Variants in MYO5A observed in about 807,000 individuals in gnomAD.
MYO5A encodes the protein unconventional myosin-Va.
A neutral mutation model predicts 249.7 loss-of-function variants in MYO5A; 98 were observed. That is an observed-to-expected ratio of 0.39 (90% confidence interval 0.33 to 0.46). MYO5A has a LOEUF of 0.46. MYO5A is among the 20% of genes least tolerant of loss of function. The pLI is 0.98. For missense variants in MYO5A, 1,696 were observed against 2,308.8 expected (o/e 0.73, Z 5.44); for synonymous variants, 778 against 810.6 (o/e 0.96, Z 0.68).
intron 24 of MYO5A, among the ~76,000 whole-genome samples, chr15:52,360,523 T>C (rs1319786350): frequency 6.6e-6 from 1 of 152,182 alleles, no homozygotes; most frequent in Non-Finnish European, 1.5e-5. Flanking sequence ...TAACTAGGCA[T>C]AAATGGTTTA....
intron 1 of MYO5A, among the ~76,000 whole-genome samples, chr15:52,502,314 A>AC (rs199754360): frequency 1.3e-5 from 2 of 152,100 alleles, no homozygotes; most frequent in Non-Finnish European, 2.9e-5. Flanking sequence ...ATACATACAT[A>AC]AATTTTTGAA....
chr15:52,497,206 C>A (rs1215265150), intron 1 of MYO5A, among the ~76,000 whole-genome samples: 1 of 152,100 alleles, frequency 6.6e-6, no homozygotes, highest in Non-Finnish European at 1.5e-5. Flanking sequence ...AAGGGATCCA[C>A]CCACATCAGC....
In MYO5A at chr15:52,317,100, T is replaced by A; in HGVS notation, c.5357A>T (p.Asp1786Val). Residue 1786 changes from aspartate (D) to valine (V), a missense_variant, in exon 40 of 42, where the codon GAT (aspartate) becomes GTT (valine). This residue lies in a region of MYO5A where 625 missense variants were observed against 908.1 expected (regional missense o/e 0.69). Transcript: ENST00000399233. ...AQLLQVKKKTDDDAEAICSMC... is the reference protein window; with the variant it reads ...AQLLQVKKKTVDDAEAICSMC... The stretch of plus-strand genomic sequence containing the variant: ...AGAACAAATGGCTTCTGCATCATCA[T>A]CTGTTTTCTTTTTCACTTGCAAAAG... 1 of 1,614,196 alleles carries A rather than the reference T, an allele frequency of 6.2e-7. No individual in the cohort carries two copies. The highest frequency in any genetic ancestry group is 1.3e-5 in the African/African-American group (1 of 75,066).
At chr15:52,437,454 G>A (rs1007406834) in intron 1 of MYO5A, among the ~76,000 whole-genome samples, 1 of 152,002 alleles carries the variant, frequency 6.6e-6, no homozygotes, top group African/African-American at 2.4e-5. Context: ...AATTAGCCAG[G>A]CATGGTGGTT....
intron 1 of MYO5A, among the ~76,000 whole-genome samples, chr15:52,476,126 GC>G (rs1257916231): frequency 2.0e-5 from 3 of 152,054 alleles, no homozygotes; most frequent in African/African-American, 7.2e-5. Context: ...GTTGAATTCA[GC>G]CCTTTATCAT....
At chr15:52,403,544 G>A (rs2042853485) in intron 9 of MYO5A, among the ~76,000 whole-genome samples, 1 of 152,154 alleles carries the variant, frequency 6.6e-6, no homozygotes, top group Admixed American at 6.5e-5. Flanking sequence ...TTAGGGGTAG[G>A]GAAATAGACA....
At chr15:52,425,347 G>GGTTTGTTT (rs111457486) in intron 4 of MYO5A, among the ~76,000 whole-genome samples, 21,671 of 151,298 alleles carry the variant, frequency 0.14, 1,618 homozygotes, top group Middle Eastern at 0.18. Flanking sequence ...AAATGTGAGG[G>GGTTTGTTT]GTTTGTTTGT....
intron 1 of MYO5A, among the ~76,000 whole-genome samples, chr15:52,491,094 C>T (rs1298532072): frequency 2.0e-5 from 3 of 152,066 alleles, no homozygotes; most frequent in South Asian, 4.2e-4. Flanking sequence ...GGTTAACTTA[C>T]GTTATGTGTA....
rs542632649 is a variant in MYO5A at position 52,528,378 on chromosome 15, G to A, written c.27+402C>T. Among the ~76,000 whole-genome samples, 124 of 152,332 alleles carry A rather than the reference G, an allele frequency of 8.1e-4. 1 individual carries two copies. Among genetic ancestry groups the A allele is most frequent in the Non-Finnish European group, 2.4e-4 (16 of 68,042 alleles). ...CAACACAAGACGTTATTTTAAGCGC[G>A]TGTCCCCACGAGAGAACCCATCCGA... is the stretch of plus-strand genomic sequence containing the variant. On this transcript the variant is annotated intron_variant, in intron 1 of 41. Coordinates refer to ENST00000399233, the MANE Select transcript of MYO5A (RefSeq NM_001382347.1).
At chr15:52,522,936 C>G (rs1331718677) in intron 1 of MYO5A, among the ~76,000 whole-genome samples, 1 of 151,784 alleles carries the variant, frequency 6.6e-6, no homozygotes, top group East Asian at 1.9e-4. Context: ...GTAATCTTTT[C>G]TGGACAATAC....
Position 52,354,119 on chromosome 15 carries a change from T to A in MYO5A, c.3424-105A>T, listed in dbSNP as rs933912125. 3 of 1,317,646 alleles carry A rather than the reference T, an allele frequency of 2.3e-6. No homozygotes were observed. In the Admixed American group the frequency reaches 5.7e-5, roughly 25 times the overall value. 81.6% of individuals were successfully genotyped at this position (1,317,646 alleles called of 1,614,324 possible). Reference sequence around the variant, plus strand: ...TGGAAAAATAGGCAAACTTACAGAATAAGAAATACAAACATCTAGAGAATA... The same window carrying A: ...TGGAAAAATAGGCAAACTTACAGAAAAAGAAATACAAACATCTAGAGAATA... On this transcript the variant is annotated intron_variant, in intron 25 of 41. Coordinates refer to ENST00000399233, the MANE Select transcript of MYO5A (RefSeq NM_001382347.1).
chr15:52,521,092 G>T (rs560851695), intron 1 of MYO5A, among the ~76,000 whole-genome samples: 1 of 152,216 alleles, frequency 6.6e-6, no homozygotes, highest in African/African-American at 2.4e-5. Context: ...GCCAGGGGTG[G>T]TGGCACATGC....
intron 1 of MYO5A, among the ~76,000 whole-genome samples, chr15:52,445,025 C>T (rs964991286): frequency 6.6e-6 from 1 of 151,966 alleles, no homozygotes; most frequent in Admixed American, 6.6e-5. Context: ...CTTTGTGTTG[C>T]TCCCCAGCTT....
At chr15:52,404,851 GC>G (rs1372074137) in intron 9 of MYO5A, among the ~76,000 whole-genome samples, 2 of 152,134 alleles carry the variant, frequency 1.3e-5, no homozygotes, top group Non-Finnish European at 2.9e-5. Flanking sequence ...AGTCATGAAG[GC>G]CCTTTCATGT....
chr15:52,506,223 C>T (rs1041065418), intron 1 of MYO5A, among the ~76,000 whole-genome samples: 3 of 151,994 alleles, frequency 2.0e-5, no homozygotes, highest in African/African-American at 7.2e-5. Flanking sequence ...TGGTGGCAGG[C>T]ACCTGTAGTC....
Position 52,313,464 on chromosome 15 carries a change from T to G in MYO5A, c.*232A>C. On this transcript the variant is annotated 3_prime_UTR_variant, in exon 42 of 42. Transcript: ENST00000399233. The stretch of plus-strand genomic sequence containing the variant: ...CATTCTCCTGTATGTAAACTCACGG[T>G]ACCTAGTTGGTTAAGGATGAGTGTT... The G allele has an allele frequency of 1.9e-6, 1 of 539,864 alleles. No individual in the cohort carries two copies. The highest frequency in any genetic ancestry group is 2.0e-5 in the South Asian group (1 of 48,932). The allele number at this position is 539,864 out of a possible 1,614,324, so 33.4% of individuals were successfully genotyped here. A position where few individuals can be genotyped will look rare whatever the true frequency, so the allele number is the denominator to read the frequency against.
intron 1 of MYO5A, among the ~76,000 whole-genome samples, chr15:52,456,589 A>T (rs1464720948): frequency 6.6e-6 from 1 of 152,210 alleles, no homozygotes; most frequent in East Asian, 1.9e-4. Context: ...GTAGTAACCA[A>T]ATAAGCATGC....
At chr15:52,434,274 A>G (rs2075611916) in intron 1 of MYO5A, among the ~76,000 whole-genome samples, 1 of 152,094 alleles carries the variant, frequency 6.6e-6, no homozygotes, top group Admixed American at 6.5e-5. Flanking sequence ...CTGGGATTAC[A>G]GTCATGAGCC....
chr15:52,318,003 G>C (rs2038106921), intron 39 of MYO5A, among the ~76,000 whole-genome samples: 1 of 152,174 alleles, frequency 6.6e-6, no homozygotes, highest in African/African-American at 2.4e-5. Flanking sequence ...TATCTGAGAG[G>C]AAGGCATTAT....
Sources: gnomAD v4.1 joint callset for allele counts (sites outside exome capture counted in the v4.1 genomes callset) on GRCh38, gnomAD v4.1.1 for gene constraint, gnomAD v4.1.1 regional missense constraint, MANE v1.5 for transcripts, NCBI Gene and HGNC (gene_info 2026-07-23, HGNC 2026-07-21) for gene names.